The following SYT14 variants were observed in gnomAD, a reference collection of about 807,000 sequenced individuals.
SYT14 encodes the protein synaptotagmin 14, also known as synaptotagmin-14.
Under a neutral mutation model 74.2 loss-of-function variants are expected in SYT14, and 32 were observed. The ratio of observed to expected loss-of-function variants is 0.43; its 90% CI spans 0.33 to 0.58. The LOEUF (loss-of-function observed/expected upper bound fraction) is 0.58. Among genes scored for constraint, SYT14 ranks in the 20% least tolerant of loss-of-function variants. The pLI is 0.05. For synonymous variants in SYT14, 298 were observed against 337.7 expected, an observed-to-expected ratio of 0.88 and a Z score of 1.29; for missense variants, 791 against 981.8, an observed-to-expected ratio of 0.81 and a Z score of 2.60.
chr1:210,151,136 G>A (rs2083149638), intron 7 of SYT14, among the ~76,000 whole-genome samples: 1 of 152,200 alleles, frequency 6.6e-6, no homozygotes, highest in Admixed American at 6.5e-5. Context: ...ATGCAAGATG[G>A]AAAGAAGTTT....
chr1:209,986,657 T>C (rs1018278642), intron 2 of SYT14, among the ~76,000 whole-genome samples: 2 of 152,092 alleles, frequency 1.3e-5, no homozygotes, highest in Non-Finnish European at 2.9e-5. Context: ...AAATCATCTT[T>C]CTTTTTTTCT....
chr1:210,032,425 A>G (rs893521681), intron 5 of SYT14, among the ~76,000 whole-genome samples: 10 of 151,998 alleles, frequency 6.6e-5, no homozygotes, highest in Non-Finnish European at 1.5e-4. Flanking sequence ...CTTACTCTCA[A>G]ATCATGTTTT....
Position 210,089,758 on chromosome 1 carries a change from C to T in SYT14, c.1313-4564C>T, listed in dbSNP as rs2081823749. Among the ~76,000 whole-genome samples, 3 of 152,018 alleles carry T rather than the reference C, an allele frequency of 2.0e-5. No homozygotes were observed. The South Asian group carries it at 6.2e-4, about 32-fold the overall frequency. ...GTGGATGTCTTGACTATGAGTCGTC[C>T]AGATTCTTGGTGTTTTGAACAAAGA... On this transcript the variant is annotated intron_variant, in intron 5 of 9. Coordinates refer to ENST00000637265, the Ensembl canonical transcript of SYT14.
chr1:210,160,699 T>C (rs987006409), intron 9 of SYT14, 30 bp from the exon 9 acceptor site: 7 of 1,596,724 alleles, frequency 4.4e-6, no homozygotes, highest in Non-Finnish European at 6.0e-6. Context: ...TCAAATGATA[T>C]TTGTGATACG....
At chr1:210,042,670 AGATGTATGGCGT>A (rs1209708303) in intron 5 of SYT14, among the ~76,000 whole-genome samples, 1 of 152,148 alleles carries the variant, frequency 6.6e-6, no homozygotes, top group Non-Finnish European at 1.5e-5. Flanking sequence ...AGATGGTTGT[AGATGTATGGCGT>A]GAAGGCCTCT....
At chr1:210,146,161 A>G (rs1256980356) in intron 7 of SYT14, among the ~76,000 whole-genome samples, 1 of 152,058 alleles carries the variant, frequency 6.6e-6, no homozygotes, top group African/African-American at 2.4e-5. Context: ...AACATGGTGA[A>G]ACCCCATCTC....
chr1:209,968,093 C>T (rs1001207006), intron 2 of SYT14, among the ~76,000 whole-genome samples: 3 of 152,128 alleles, frequency 2.0e-5, no homozygotes, highest in Non-Finnish European at 4.4e-5. Flanking sequence ...TCAGGTGAGA[C>T]TGTACTATGG....
At chr1:209,953,375 C>A in intron 2 of SYT14, 1 of 619,436 alleles carries the variant, frequency 1.6e-6, no homozygotes, top group Non-Finnish European at 2.4e-6. Context: ...TCTATGAAAT[C>A]ATATGAAGGA....
exon 4 of SYT14, chr1:210,016,425 C>G (rs75206423): frequency 8.1e-7 from 1 of 1,231,876 alleles, no homozygotes; most frequent in Admixed American, 4.2e-5. Context: ...ACTGGTGATT[C>G]TTCTTTGAAA....
chr1:210,132,306 G>A (rs541135196), intron 7 of SYT14, among the ~76,000 whole-genome samples: 1 of 151,470 alleles, frequency 6.6e-6, no homozygotes, highest in African/African-American at 2.4e-5. Context: ...TCCCATCCTG[G>A]CATGGACATC....
At chr1:210,064,186 G>T (rs2081257561) in intron 5 of SYT14, among the ~76,000 whole-genome samples, 1 of 151,794 alleles carries the variant, frequency 6.6e-6, no homozygotes, top group Non-Finnish European at 1.5e-5. Flanking sequence ...ATTTCACTTA[G>T]CATAAAGTTT....
chr1:210,160,498 G>A (rs1310431208), intron 9 of SYT14, among the ~76,000 whole-genome samples: 2 of 152,074 alleles, frequency 1.3e-5, no homozygotes, highest in Admixed American at 1.3e-4. Context: ...CATAGAAATA[G>A]TAAGGTTAAG....
chr1:210,066,920 T>A (rs546203703), intron 5 of SYT14, among the ~76,000 whole-genome samples: 2 of 152,226 alleles, frequency 1.3e-5, no homozygotes, highest in South Asian at 4.1e-4. Context: ...AAATTTTTCA[T>A]TTTCTTCCAA....
intron 1 of SYT14, among the ~76,000 whole-genome samples, chr1:209,950,130 G>A (rs1240230371): frequency 6.6e-6 from 1 of 151,982 alleles, no homozygotes; most frequent in Non-Finnish European, 1.5e-5. Flanking sequence ...TATTAAATAC[G>A]GGGGAGAGTT....
chr1:210,078,340 G>C (rs955751647), intron 5 of SYT14, among the ~76,000 whole-genome samples: 1 of 131,432 alleles, frequency 7.6e-6, no homozygotes, highest in African/African-American at 2.8e-5. Flanking sequence ...AAAAAAAAAT[G>C]CATCTATTTC....
exon 1 of SYT14, chr1:209,938,224 G>T: frequency 6.6e-7 from 1 of 1,521,560 alleles, no homozygotes; most frequent in Non-Finnish European, 8.8e-7. Flanking sequence ...CGCGTCTGCT[G>T]CCCCCGCCAT....
intron 2 of SYT14, among the ~76,000 whole-genome samples, chr1:209,980,880 T>G (rs2079471685): frequency 6.6e-6 from 1 of 152,242 alleles, no homozygotes; most frequent in Admixed American, 6.5e-5. Context: ...TTGGGTAGCA[T>G]GCTGCCTGCA....
intron 2 of SYT14, among the ~76,000 whole-genome samples, chr1:209,981,148 A>C (rs1362771868): frequency 1.3e-5 from 2 of 152,136 alleles, no homozygotes; most frequent in Non-Finnish European, 2.9e-5. Context: ...TTCACCTTGA[A>C]GAGGTCCTTC....
chr1:210,118,867 G>A (rs1361325557), intron 7 of SYT14, among the ~76,000 whole-genome samples: 1 of 152,078 alleles, frequency 6.6e-6, no homozygotes, highest in African/African-American at 2.4e-5. Context: ...CTTTACAAAT[G>A]AAAGAAATAG....
Sources: gnomAD v4.1 joint callset for allele counts (sites outside exome capture counted in the v4.1 genomes callset) on GRCh38, gnomAD v4.1.1 for gene constraint, MANE v1.5 for transcripts, NCBI Gene and HGNC (gene_info 2026-07-23, HGNC 2026-07-21) for gene names.